ATP1A1: variants seen among roughly 807,000 people sequenced by gnomAD.
ATP1A1 encodes the protein ATPase Na+/K+ transporting subunit alpha 1.
In ATP1A1, 14 loss-of-function variants were observed where a neutral mutation model predicts 114.8. That is an observed-to-expected ratio of 0.12 (90% CI 0.08 to 0.19). The LOEUF (loss-of-function observed/expected upper bound fraction) is 0.19, where lower values mean the gene tolerates loss of function less well. Ranked by LOEUF, ATP1A1 falls within the 10% of genes least tolerant of loss-of-function variation. The probability of loss-of-function intolerance (pLI) is 1.00; values close to 1 mark genes in which losing one functional copy is unlikely to be tolerated. For synonymous variants in ATP1A1, 471 were observed against 466.3 expected (o/e 1.01, Z -0.13); for missense variants, 524 against 1,290.7 (o/e 0.41, Z 9.10).
chr1:116,390,478 A>G, intron 9 of ATP1A1, 67 bp downstream of exon 9: 1 of 1,468,120 alleles, frequency 6.8e-7, no homozygotes, highest in Non-Finnish European at 9.2e-7. Flanking sequence ...TCTTTTAAGA[A>G]ATTGCATGAA....
At chr1:116,377,738 C>A (rs1007251846) in intron 1 of ATP1A1, among the ~76,000 whole-genome samples, 9 of 152,280 alleles carry the variant, frequency 5.9e-5, no homozygotes, top group African/African-American at 2.2e-4. Flanking sequence ...AGCCAACAGG[C>A]TAGAAGAAGA....
intron 1 of ATP1A1, among the ~76,000 whole-genome samples, chr1:116,375,481 T>C (rs894467282): frequency 2.6e-5 from 4 of 152,244 alleles, no homozygotes; most frequent in Non-Finnish European, 5.9e-5. Context: ...GATGCGGTGG[T>C]AACCCACCTG....
chr1:116,402,030 T>G (rs1653526833), intron 21 of ATP1A1: 1 of 203,010 alleles, frequency 4.9e-6, no homozygotes, highest in Non-Finnish European at 9.9e-6. Context: ...TTGATTTGCT[T>G]GCTTAGTCAC....
rs150035947 is a variant in ATP1A1 at position 116,393,498 on chromosome 1, A to G, written c.1468-33A>G. ...ACCATGGACTGCCACACATCCAACC[A>G]TCCAATGTTTATGTCTCAACAATCC... On this transcript the variant is annotated intron_variant, in intron 11 of 22. Coordinates refer to ENST00000295598, the MANE Select transcript of ATP1A1 (RefSeq NM_000701.8). The surrounding 1 kb of genome is among the most constrained non-coding windows in gnomAD (Gnocchi z 5.0). The G allele has an allele frequency of 2.2e-4, 354 of 1,586,850 alleles. No individual in the cohort carries two copies. In the African/African-American group the frequency reaches 3.9e-3, roughly 17 times the overall value.
chr1:116,382,811 G>A (rs1651832673), intron 1 of ATP1A1, among the ~76,000 whole-genome samples: 1 of 152,172 alleles, frequency 6.6e-6, no homozygotes, highest in South Asian at 2.1e-4. Context: ...TATTGCTTTA[G>A]TAGCTGGTAA....
At chr1:116,378,133 T>C (rs901373501) in intron 1 of ATP1A1, among the ~76,000 whole-genome samples, 1 of 152,230 alleles carries the variant, frequency 6.6e-6, no homozygotes, top group Non-Finnish European at 1.5e-5. Flanking sequence ...GTTCTTCATA[T>C]TTATTTTGTG....
At position 116,397,782 on chromosome 1, in the gene ATP1A1, GT is replaced by G. The variant is rs1244820455; in HGVS notation, c.1974-102del. The G allele has an allele frequency of 9.4e-6, 13 of 1,389,524 alleles. No homozygotes were observed. The Admixed American group carries it at 1.3e-4, about 14-fold the overall frequency. The allele number at this position is 1,389,524 out of a possible 1,614,324, so 86.1% of individuals were successfully genotyped here. On this transcript the variant is annotated intron_variant, in intron 14 of 22. Transcript: ENST00000295598. The surrounding 1 kb of genome is among the most constrained non-coding windows in gnomAD (Gnocchi z 4.2). ...ATGTGCTGGGGAAAATTCCTTCTTT[GT>G]TTTGTTTACAAAGTGATCTGCATAA...
intron 1 of ATP1A1, chr1:116,374,065 G>A (rs2101026174): frequency 7.1e-7 from 1 of 1,403,916 alleles, no homozygotes; most frequent in East Asian, 2.7e-5. Context: ...CGGTTCCGGC[G>A]GGGGCAGCCT....
chr1:116,373,889 C>T (rs1651168895), intron 1 of ATP1A1: 1 of 1,299,860 alleles, frequency 7.7e-7, no homozygotes, highest in South Asian at 2.1e-5. Flanking sequence ...GGCCCCGGGA[C>T]TGAGCCGGCA....
Position 116,397,862 on chromosome 1 carries a change from T to C in ATP1A1, c.1974-26T>C, listed in dbSNP as rs1405996043. 1 of 1,364,056 alleles carries C rather than the reference T, an allele frequency of 7.3e-7. No individual in the cohort carries two copies. The highest frequency in any genetic ancestry group is 1.4e-5 in the South Asian group (1 of 72,690). 84.5% of individuals were successfully genotyped at this position (1,364,056 alleles called of 1,614,324 possible). On this transcript the variant is annotated intron_variant, in intron 14 of 22. Coordinates refer to ENST00000295598, the MANE Select transcript of ATP1A1 (RefSeq NM_000701.8). This position sits in a 1 kb window ranked among gnomAD's most constrained non-coding sequence, Gnocchi z 4.2. The stretch of plus-strand genomic sequence containing the variant: ...ATGCTGGTGATGTGATGCGTGACTT[T>C]TTTTTTTTTTTTGTCCTAATTCTAG...
chr1:116,398,076 T>C lies in ATP1A1; in HGVS notation c.2124+38T>C. ...AAGGATCAGGCTGCTTTGGGCACTA[T>C]TGGCTTTAGGGATTGGAGTTCCAGT... On this transcript the variant is annotated intron_variant, in intron 15 of 22. Transcript: ENST00000295598. The surrounding 1 kb of genome is among the most constrained non-coding windows in gnomAD (Gnocchi z 6.1). 3 of 1,609,700 alleles carry C rather than the reference T, an allele frequency of 1.9e-6. No homozygotes were observed. Among genetic ancestry groups the C allele is most frequent in the South Asian group, 2.2e-5 (2 of 90,418 alleles).
chr1:116,388,568 A>T lies in ATP1A1; in HGVS notation c.502-70A>T. The T allele has an allele frequency of 6.6e-7, 1 of 1,519,420 alleles. No individual in the cohort carries two copies. The highest frequency in any genetic ancestry group is 8.9e-7 in the Non-Finnish European group (1 of 1,122,064). The allele number at this position is 1,519,420 out of a possible 1,614,324, so 94.1% of individuals were successfully genotyped here. A position where few individuals can be genotyped will look rare whatever the true frequency, so the allele number is the denominator to read the frequency against. ...GGTAATTAGGATTATGACTATTTTTATTTTCTTGTTTTGGACACTACCTTC... is the reference window on the plus strand; with the variant it reads ...GGTAATTAGGATTATGACTATTTTTTTTTTCTTGTTTTGGACACTACCTTC... On this transcript the variant is annotated intron_variant, in intron 5 of 22. Coordinates refer to ENST00000295598, the MANE Select transcript of ATP1A1 (RefSeq NM_000701.8). This position sits in a 1 kb window ranked among gnomAD's most constrained non-coding sequence, Gnocchi z 5.6.
chr1:116,392,407 T>TA (rs1253032379), intron 10 of ATP1A1: 1 of 153,166 alleles, frequency 6.5e-6, no homozygotes, highest in Non-Finnish European at 1.5e-5. Flanking sequence ...AGCATTTTCT[T>TA]ACGAATTCTA....
Position 116,401,717 on chromosome 1 carries a change from T to C in ATP1A1, c.2951+62T>C. On this transcript the variant is annotated intron_variant, in intron 21 of 22. Transcript: ENST00000295598. This position sits in a 1 kb window ranked among gnomAD's most constrained non-coding sequence, Gnocchi z 4.7. Reference sequence around the variant, plus strand: ...ATAGTATGTGTGGCTTTTCCCCCCATTACTTGTGGTAATAGTTGTTATTTT... The same window carrying C: ...ATAGTATGTGTGGCTTTTCCCCCCACTACTTGTGGTAATAGTTGTTATTTT... 1 of 1,495,258 alleles carries C rather than the reference T, an allele frequency of 6.7e-7. No individual in the cohort carries two copies. The highest frequency in any genetic ancestry group is 1.4e-5 in the African/African-American group (1 of 72,152). 92.6% of individuals were successfully genotyped at this position (1,495,258 alleles called of 1,614,324 possible).
intron 1 of ATP1A1, among the ~76,000 whole-genome samples, chr1:116,380,137 C>A (rs1406934478): frequency 6.6e-6 from 1 of 152,126 alleles, no homozygotes; most frequent in Non-Finnish European, 1.5e-5. Context: ...TCTCTAGGTT[C>A]TTTAATAGTT....
chr1:116,375,964 C>T (rs1475478490), intron 1 of ATP1A1, among the ~76,000 whole-genome samples: 12 of 152,176 alleles, frequency 7.9e-5, no homozygotes, highest in Non-Finnish European at 1.5e-5. Flanking sequence ...AAGAACAGCT[C>T]TTGCTGAATC....
Position 116,390,772 on chromosome 1 carries a change from C to T in ATP1A1, c.1223-10C>T. Reference sequence around the variant, plus strand: ...ATTGTTGTTCTGTTGTGTTTTCTTGCCTCCATCAGGTGTCTCTTTTGACAA... The same window carrying T: ...ATTGTTGTTCTGTTGTGTTTTCTTGTCTCCATCAGGTGTCTCTTTTGACAA... On this transcript the variant is annotated splice_polypyrimidine_tract_variant and intron_variant, in intron 9 of 22. Transcript: ENST00000295598. 6.2e-7 allele frequency: 1 copy of T among 1,610,320 alleles called. No individual in the cohort carries two copies. The highest frequency in any genetic ancestry group is 1.1e-5 in the South Asian group (1 of 90,962).
chr1:116,373,557 GGGAGCCCTCGA>G, intron 1 of ATP1A1, 34 bp downstream of exon 1: 1 of 1,430,602 alleles, frequency 7.0e-7, no homozygotes, highest in Non-Finnish European at 9.2e-7. Context: ...AGGGGGCTCG[GGGAGCCCTCGA>G]GGGGAAGAGG....
chr1:116,402,464 G>C (rs1362619200), intron 21 of ATP1A1, among the ~76,000 whole-genome samples: 2 of 150,996 alleles, frequency 1.3e-5, no homozygotes, highest in Non-Finnish European at 2.9e-5. Flanking sequence ...TCAATCCCCT[G>C]TTGCCAGCAC....
Sources: gnomAD v4.1 joint callset for allele counts (sites outside exome capture counted in the v4.1 genomes callset) on GRCh38, gnomAD v4.1.1 for gene constraint, Gnocchi (gnomAD v3.1) non-coding constraint, MANE v1.5 for transcripts, NCBI Gene and HGNC (gene_info 2026-07-23, HGNC 2026-07-21) for gene names.